The following TASOR2 variants were observed in gnomAD, a reference collection of about 807,000 sequenced individuals.
The protein encoded by TASOR2 is transcription activation suppressor family member 2.
In TASOR2, 84 loss-of-function variants were observed where a neutral mutation model predicts 199.5. The observed-to-expected ratio is 0.42, with a 90% CI of 0.35 to 0.50. TASOR2 has a LOEUF of 0.50. Among genes scored for constraint, TASOR2 ranks in the 20% least tolerant of loss-of-function variants. TASOR2 has a pLI of 0.02. For missense variants in TASOR2, 2,796 were observed against 2,835.9 expected (o/e 0.99, Z 0.32); for synonymous variants, 1,103 against 1,046.6 (o/e 1.05, Z -1.04).
chr10:5,723,809 C>T, intron 7 of TASOR2, 32 bp downstream of exon 8: 1 of 1,443,026 alleles, frequency 6.9e-7, no homozygotes, highest in Non-Finnish European at 9.6e-7. Flanking sequence ...CGCTACTTGT[C>T]CTGGGCTTTG....
Position 5,746,142 on chromosome 10 carries a change from G to T in TASOR2, c.2758-37G>T, listed in dbSNP as rs779382440. The T allele has an allele frequency of 3.6e-6, 5 of 1,386,646 alleles. No individual in the cohort carries two copies. The South Asian group carries it at 5.9e-5, about 16-fold the overall frequency. 85.9% of individuals were successfully genotyped at this position (1,386,646 alleles called of 1,614,324 possible). On this transcript the variant is annotated intron_variant, in intron 14 of 20. Coordinates refer to ENST00000328090, the Ensembl canonical transcript of TASOR2. Reference sequence around the variant, plus strand: ...TAATCGTATAAAAAACATTTTATATGACTGATTTTTTTTTTTTTTTACTTT... The same window carrying T: ...TAATCGTATAAAAAACATTTTATATTACTGATTTTTTTTTTTTTTTACTTT...
rs749236724 is a variant in TASOR2, at chr10:5,747,194, T to C, written c.3773T>C (p.Val1258Ala). 26 of 1,613,938 alleles carry C rather than the reference T, an allele frequency of 1.6e-5. No individual in the cohort carries two copies. In the Admixed American group the frequency reaches 2.3e-4, roughly 14 times the overall value. ...ATGAATTTGGAAGCGTTTGATTCAG[T>C]ATTTATCAAACAAACAAGCCTGTCT... The change falls in exon 15 of 21, where the codon GTA becomes GCA. Residue 1258 changes from valine to alanine, a missense_variant. By Grantham distance (64) the Val-to-Ala change is moderately conservative (BLOSUM62 0). This residue lies in a region of TASOR2 where 1,941 missense variants were observed against 1,924.9 expected (regional missense o/e 1.01). Transcript: ENST00000328090.
Position 5,738,561 on chromosome 10 carries a change from CGTT to C in TASOR2, c.1448-1055_1448-1053del, listed in dbSNP as rs1354933464. On this transcript the variant is annotated intron_variant, in intron 12 of 20. Coordinates refer to ENST00000328090, the Ensembl canonical transcript of TASOR2. The surrounding 1 kb of genome is among the most constrained non-coding windows in gnomAD (Gnocchi z 4.7). ...CTGTTTTAAATAAAAACTGGGCAGT[CGTT>C]GATCAGTTTAACCCTTTCCCCATGT... Among the ~76,000 whole-genome samples, 11 of 152,292 alleles carry C rather than the reference CGTT, an allele frequency of 7.2e-5. No homozygotes were observed. The highest frequency in any genetic ancestry group is 2.6e-4 in the Admixed American group (4 of 15,294).
intron 15 of TASOR2, among the ~76,000 whole-genome samples, chr10:5,755,555 C>CA (rs1838808383): frequency 6.6e-6 from 1 of 151,756 alleles, no homozygotes; most frequent in African/African-American, 2.4e-5. Context: ...GCCTGGGTGA[C>CA]AGAGTAAGAC....
chr10:5,763,223 T>C, exon 21 of TASOR2: 1 of 538,216 alleles, frequency 1.9e-6, no homozygotes, highest in Non-Finnish European at 3.2e-6. Flanking sequence ...AGTTGTCTGT[T>C]AGCTTTGGGT....
At position 5,696,272 on chromosome 10, in the gene TASOR2, G is replaced by A. The variant is rs533368919; in HGVS notation, c.-288+11097G>A. On this transcript the variant is annotated intron_variant, in intron 1 of 20. Transcript: ENST00000328090. Reference sequence around the variant, plus strand: ...AGATATGAACTATGGAAATTCACCCGATTGAACAGTTGGATCCATCAGATC... The same window carrying A: ...AGATATGAACTATGGAAATTCACCCAATTGAACAGTTGGATCCATCAGATC... Among the ~76,000 whole-genome samples, 37 of 152,300 alleles carry A rather than the reference G, an allele frequency of 2.4e-4. 1 individual carries two copies. In the South Asian group the frequency reaches 5.0e-3, roughly 20 times the overall value.
chr10:5,741,959 C>A, intron 13 of TASOR2, 138 bp from the exon 15 acceptor site: 1 of 718,502 alleles, frequency 1.4e-6, no homozygotes, highest in Non-Finnish European at 2.3e-6. Flanking sequence ...CATATTTACT[C>A]ATTCATGTTT....
chr10:5,763,038 C>T, exon 21 of TASOR2: 1 of 1,611,828 alleles, frequency 6.2e-7, no homozygotes, highest in Non-Finnish European at 8.5e-7. Context: ...GGTGACTCAA[C>T]TACAGCCTGC....
At chr10:5,746,457 A>C in exon 15 of TASOR2, 1 of 1,614,102 alleles carries the variant, frequency 6.2e-7, no homozygotes. Flanking sequence ...CAGTGCAAAC[A>C]AAAACAGGTA....
At chr10:5,700,060 C>T (rs181972886) in intron 1 of TASOR2, among the ~76,000 whole-genome samples, 77 of 152,150 alleles carry the variant, frequency 5.1e-4, no homozygotes, top group Non-Finnish European at 9.6e-4. Context: ...TATATTTATA[C>T]CCATTAATCA....
intron 8 of TASOR2, 66 bp from the exon 10 acceptor site, chr10:5,726,819 T>C (rs1834110367): frequency 4.3e-6 from 6 of 1,390,390 alleles, no homozygotes; most frequent in Non-Finnish European, 6.1e-6. Context: ...CTAATGAGTA[T>C]GGGTAGAGGG....
intron 3 of TASOR2, 63 bp downstream of exon 4, chr10:5,717,813 A>G (rs1348407619): frequency 5.1e-6 from 3 of 584,408 alleles, no homozygotes; most frequent in Non-Finnish European, 7.5e-6. Context: ...TACCTTTGAT[A>G]TTCTCTGTAG....
chr10:5,703,056 C>G (rs942799728), intron 1 of TASOR2, among the ~76,000 whole-genome samples: 1 of 152,118 alleles, frequency 6.6e-6, no homozygotes, highest in African/African-American at 2.4e-5. Flanking sequence ...TAGTTTTAAA[C>G]ATTCAGGGTT....
Position 5,750,122 on chromosome 10 carries a change from TG to T in TASOR2, c.6606+97del. On this transcript the variant is annotated intron_variant, in intron 15 of 20. Coordinates refer to ENST00000328090, the Ensembl canonical transcript of TASOR2. The surrounding 1 kb of genome is among the most constrained non-coding windows in gnomAD (Gnocchi z 5.4). ...CATATTAGCCATCAAAAAGAAATCA[TG>T]GTATGACATAGTATTTAAATTTCAC... The T allele has an allele frequency of 7.6e-7, 1 of 1,319,576 alleles. No homozygotes were observed. The highest frequency in any genetic ancestry group is 1.0e-6 in the Non-Finnish European group (1 of 988,866). The allele number at this position is 1,319,576 out of a possible 1,614,324, so 81.7% of individuals were successfully genotyped here. A position where few individuals can be genotyped will look rare whatever the true frequency, so the allele number is the denominator to read the frequency against.
chr10:5,729,730 A>AG (rs1834536927), intron 10 of TASOR2, among the ~76,000 whole-genome samples: 1 of 152,056 alleles, frequency 6.6e-6, no homozygotes, highest in South Asian at 2.1e-4. Flanking sequence ...TAGGCCCTGA[A>AG]GGCTGTTGTT....
At chr10:5,716,970 A>T (rs1588697838) in intron 2 of TASOR2, among the ~76,000 whole-genome samples, 1 of 145,642 alleles carries the variant, frequency 6.9e-6, no homozygotes, top group Admixed American at 6.9e-5. Context: ...CATTTGTTTA[A>T]TTTTTTTTCT....
exon 12 of TASOR2, chr10:5,735,544 C>G: frequency 6.2e-7 from 1 of 1,612,810 alleles, no homozygotes; most frequent in Non-Finnish European, 8.5e-7. Flanking sequence ...CAGCTACAAC[C>G]TGGTAAGAAA....
At chr10:5,756,863 G>T (rs1839032048) in intron 16 of TASOR2, 125 bp downstream of exon 17, 16 of 990,464 alleles carry the variant, frequency 1.6e-5, no homozygotes, top group Non-Finnish European at 2.3e-5. Context: ...GGGCCTTTAA[G>T]TGGGAAGATG....
chr10:5,714,094 A>G, intron 2 of TASOR2, 41 bp from the exon 3 acceptor site: 2 of 1,058,554 alleles, frequency 1.9e-6, no homozygotes, highest in Non-Finnish European at 2.4e-6. Context: ...GCATTTTTTC[A>G]TTGCTTCAAA....
Sources: gnomAD v4.1 joint callset for allele counts (sites outside exome capture counted in the v4.1 genomes callset) on GRCh38, gnomAD v4.1.1 for gene constraint, gnomAD v4.1.1 regional missense constraint, Gnocchi (gnomAD v3.1) non-coding constraint, MANE v1.5 for transcripts, NCBI Gene and HGNC (gene_info 2026-07-23, HGNC 2026-07-21) for gene names.